Variants in GALNT18 observed in about 807,000 individuals in gnomAD.
GALNT18 encodes polypeptide N-acetylgalactosaminyltransferase 18, also known as GalNAc-transferase 18.
In GALNT18, 44 loss-of-function variants were observed where a neutral mutation model predicts 69.5. The observed-to-expected ratio is 0.63, with a 90% CI of 0.50 to 0.81. The LOEUF (loss-of-function observed/expected upper bound fraction) is 0.81, where lower values mean the gene tolerates loss of function less well. GALNT18 is among the 40% of genes least tolerant of loss of function. The pLI, the probability that GALNT18 is intolerant of heterozygous loss-of-function variation, is 0.00. For missense variants in GALNT18, 715 were observed against 810.0 expected (o/e 0.88, Z 1.42); for synonymous variants, 364 against 318.2 (o/e 1.14, Z -1.53).
rs1854323906 is a variant in GALNT18 at position 11,396,249 on chromosome 11, G to A, written c.596-16985C>T. Among the ~76,000 whole-genome samples the A allele has an allele frequency of 6.6e-6, 1 of 152,242 alleles. No homozygotes were observed. Among genetic ancestry groups the A allele is most frequent in the African/African-American group, 2.4e-5 (1 of 41,464 alleles). ...ACGACAGCGGCTGGGTCTGTCAGTGGTGTTCGCAAACAGTGTTTGGCTTTC... is the reference window on the plus strand; with the variant it reads ...ACGACAGCGGCTGGGTCTGTCAGTGATGTTCGCAAACAGTGTTTGGCTTTC... On this transcript the variant is annotated intron_variant, in intron 3 of 10. Transcript: ENST00000227756. This position sits in a 1 kb window ranked among gnomAD's most constrained non-coding sequence, Gnocchi z 5.2.
Position 11,620,065 on chromosome 11 carries a change from C to G in GALNT18, c.235+1294G>C, listed in dbSNP as rs1167825352. On this transcript the variant is annotated intron_variant, in intron 1 of 10. Transcript: ENST00000227756. This position sits in a 1 kb window ranked among gnomAD's most constrained non-coding sequence, Gnocchi z 6.9. The stretch of plus-strand genomic sequence containing the variant: ...TTCAGACGGAGGAGCCATCTCTACT[C>G]TGGCAAGAGCAGCAGGTGCAAGGAT... 6.6e-6 allele frequency among the ~76,000 whole-genome samples: 1 copy of G among 150,718 alleles called. No individual in the cohort carries two copies. Among genetic ancestry groups the G allele is most frequent in the Admixed American group, 6.6e-5 (1 of 15,112 alleles).
rs113056550 is a variant in GALNT18 at position 11,305,794 on chromosome 11, C to T, written c.1513-12601G>A. On this transcript the variant is annotated intron_variant, in intron 9 of 10. Transcript: ENST00000227756. ...CCCTGAGGGCAGACACCATGTTTGT[C>T]TTACCCACCCTTATATCTCTATTAA... 3.5e-3 allele frequency among the ~76,000 whole-genome samples: 527 copies of T among 152,336 alleles called. 4 individuals are homozygous for T. The highest frequency in any genetic ancestry group is 0.012 in the African/African-American group (510 of 41,576).
intron 1 of GALNT18, among the ~76,000 whole-genome samples, chr11:11,462,670 T>A (rs1226493591): frequency 6.6e-6 from 1 of 152,154 alleles, no homozygotes; most frequent in Non-Finnish European, 1.5e-5. Context: ...CCCTAAAATG[T>A]CACAATTCTA....
At chr11:11,599,205 C>T (rs1214497490) in intron 1 of GALNT18, among the ~76,000 whole-genome samples, 1 of 152,146 alleles carries the variant, frequency 6.6e-6, no homozygotes, top group Non-Finnish European at 1.5e-5. Flanking sequence ...AAGTCTCCAA[C>T]TATTAATGTT....
rs1850166071 is a variant in GALNT18 at position 11,339,498 on chromosome 11, G to C, written c.1278+1321C>G. 6.6e-6 allele frequency among the ~76,000 whole-genome samples: 1 copy of C among 152,080 alleles called. No homozygotes were observed. Among genetic ancestry groups the C allele is most frequent in the Non-Finnish European group, 1.5e-5 (1 of 68,008 alleles). On this transcript the variant is annotated intron_variant, in intron 7 of 10. Transcript: ENST00000227756. The surrounding 1 kb of genome is among the most constrained non-coding windows in gnomAD (Gnocchi z 5.2). ...GCTATGCCTCACTGGTGAGCTCCTG[G>C]GGAGTTTCCAAGTGTTCTTAATATT...
chr11:11,434,314 A>G (rs1219067984), intron 2 of GALNT18, among the ~76,000 whole-genome samples: 1 of 152,172 alleles, frequency 6.6e-6, no homozygotes, highest in Non-Finnish European at 1.5e-5. Context: ...CCAAGTTAAT[A>G]GATTGGTGTA....
chr11:11,508,984 A>G (rs1184757742), intron 1 of GALNT18, among the ~76,000 whole-genome samples: 1 of 152,152 alleles, frequency 6.6e-6, no homozygotes, highest in East Asian at 1.9e-4. Flanking sequence ...TCTGGCACTC[A>G]GGCTCAACCA....
chr11:11,304,061 C>A (rs1849538628), intron 9 of GALNT18, among the ~76,000 whole-genome samples: 1 of 152,104 alleles, frequency 6.6e-6, no homozygotes, highest in African/African-American at 2.4e-5. Flanking sequence ...TACAAAGAGC[C>A]AAGTAGACTT....
intron 1 of GALNT18, among the ~76,000 whole-genome samples, chr11:11,495,865 A>T (rs1564978714): frequency 6.6e-6 from 1 of 152,224 alleles, no homozygotes; most frequent in Non-Finnish European, 1.5e-5. Flanking sequence ...AAAGGCTGTG[A>T]CCAAGAGATG....
chr11:11,547,299 G>A (rs576778878), intron 1 of GALNT18, among the ~76,000 whole-genome samples: 2 of 152,234 alleles, frequency 1.3e-5, no homozygotes, highest in South Asian at 2.1e-4. Flanking sequence ...GGGTGGGGGT[G>A]GAGGCAGCCA....
At chr11:11,568,193 C>T (rs1858699227) in intron 1 of GALNT18, among the ~76,000 whole-genome samples, 1 of 152,192 alleles carries the variant, frequency 6.6e-6, no homozygotes, top group Non-Finnish European at 1.5e-5. Flanking sequence ...AACGCACAGC[C>T]CAGGTGACAT....
At chr11:11,482,802 G>A (rs7118797) in intron 1 of GALNT18, among the ~76,000 whole-genome samples, 53,099 of 151,968 alleles carry the variant, frequency 0.35, 9,994 homozygotes, top group South Asian at 0.48. Context: ...CAGGGAAAAC[G>A]GAAATAAACC....
chr11:11,501,313 T>C (rs1474110803), intron 1 of GALNT18, among the ~76,000 whole-genome samples: 1 of 152,158 alleles, frequency 6.6e-6, no homozygotes, highest in Non-Finnish European at 1.5e-5. Context: ...AACCAAGACA[T>C]CGATGGGAAT....
chr11:11,536,255 A>G (rs1277751835), intron 1 of GALNT18, among the ~76,000 whole-genome samples: 1 of 152,212 alleles, frequency 6.6e-6, no homozygotes. Flanking sequence ...ACTGAACTCA[A>G]TCCAACAGCT....
chr11:11,291,509 C>T (rs942303554), intron 10 of GALNT18, among the ~76,000 whole-genome samples: 2 of 152,118 alleles, frequency 1.3e-5, no homozygotes, highest in Non-Finnish European at 2.9e-5. Flanking sequence ...GCTGTTATTC[C>T]TATTGGGATA....
intron 6 of GALNT18, among the ~76,000 whole-genome samples, chr11:11,370,767 C>T (rs1850883565): frequency 6.6e-6 from 1 of 152,214 alleles, no homozygotes; most frequent in African/African-American, 2.4e-5. Flanking sequence ...GACTGACTCA[C>T]ACACATGCTG....
At chr11:11,522,776 A>C (rs917377656) in intron 1 of GALNT18, among the ~76,000 whole-genome samples, 3 of 152,200 alleles carry the variant, frequency 2.0e-5, no homozygotes, top group Non-Finnish European at 4.4e-5. Context: ...CGACAAAGAC[A>C]CTTGTCACGC....
chr11:11,377,197 G>A lies in GALNT18; in HGVS notation c.962C>T (p.Ser321Phe). 1 of 1,613,032 alleles carries A rather than the reference G, an allele frequency of 6.2e-7. No individual in the cohort carries two copies. The highest frequency in any genetic ancestry group is 8.5e-7 in the Non-Finnish European group (1 of 1,179,972). ...TTTGCTTTACCTGATTGGCGCTGTGGAGTTCTCCAGCTTCCACCAGGCCTT... is the reference window on the plus strand; with the variant it reads ...TTTGCTTTACCTGATTGGCGCTGTGAAGTTCTCCAGCTTCCACCAGGCCTT... The part of the protein sequence containing the change: ...PPKAWWKLEN[S>F]TAPIRSPALI... The change falls in exon 5 of 11, where the codon TCC becomes TTC. Residue 321 changes from serine to phenylalanine, a missense_variant. By Grantham distance (155) the Ser-to-Phe change is radical (BLOSUM62 -2). Transcript: ENST00000227756. This position sits in a 1 kb window ranked among gnomAD's most constrained non-coding sequence, Gnocchi z 4.6.
chr11:11,327,587 C>T (rs1171118715), intron 8 of GALNT18, among the ~76,000 whole-genome samples: 2 of 152,326 alleles, frequency 1.3e-5, no homozygotes, highest in South Asian at 4.2e-4. Flanking sequence ...CTCAGAGGTC[C>T]CCTGGGACCA....
Sources: gnomAD v4.1 joint callset for allele counts (sites outside exome capture counted in the v4.1 genomes callset) on GRCh38, gnomAD v4.1.1 for gene constraint, Gnocchi (gnomAD v3.1) non-coding constraint, MANE v1.5 for transcripts, NCBI Gene and HGNC (gene_info 2026-07-23, HGNC 2026-07-21) for gene names.